The following DMD variants were observed in gnomAD, a reference collection of about 807,000 sequenced individuals.
DMD encodes the protein dystrophin, also known as mutant dystrophin.
A neutral mutation model predicts 330.1 loss-of-function variants in DMD; 63 were observed. The observed-to-expected ratio is 0.19, with a 90% CI of 0.16 to 0.24. The LOEUF (loss-of-function observed/expected upper bound fraction) is 0.24, where lower values mean the gene tolerates loss of function less well. DMD is among the 10% of genes least tolerant of loss of function. The pLI is 1.00. For synonymous variants in DMD, 1,223 were observed against 959.8 expected (o/e 1.27, Z -5.07); for missense variants, 3,344 against 2,684.1 (o/e 1.25, Z -5.43).
At chrX:33,316,288 T>C (rs749229828) in intron 1 of DMD, among the ~76,000 whole-genome samples, 3 of 110,788 alleles carry the variant, frequency 2.7e-5, no homozygotes, top group African/African-American at 9.8e-5. Context: ...GGGATAAAGA[T>C]TATTAATGTA....
chrX:32,935,782 T>C (rs2089977861), intron 2 of DMD, among the ~76,000 whole-genome samples: 1 of 111,244 alleles, frequency 9.0e-6, no homozygotes, highest in African/African-American at 3.3e-5. Context: ...GTAATACTAA[T>C]GTTATGCCTT....
intron 51 of DMD, among the ~76,000 whole-genome samples, chrX:31,737,862 G>C (rs1341242446): frequency 9.0e-6 from 1 of 111,705 alleles, no homozygotes; most frequent in African/African-American, 3.3e-5. Flanking sequence ...AGCATTATAA[G>C]GGAAAGACAG....
intron 43 of DMD, among the ~76,000 whole-genome samples, chrX:32,235,643 G>A (rs930388967): frequency 8.9e-6 from 1 of 111,741 alleles, no homozygotes; most frequent in Non-Finnish European, 1.9e-5. Context: ...AAAAGGGGGT[G>A]TATCTTGTTT....
At chrX:32,439,176 T>A (rs977997144) in intron 28 of DMD, among the ~76,000 whole-genome samples, 22 of 111,761 alleles carry the variant, frequency 2.0e-4, no homozygotes, top group African/African-American at 7.1e-4. Flanking sequence ...GATGGGCATA[T>A]GTTCTCACAA....
At chrX:32,715,110 C>T (rs2065563184) in intron 7 of DMD, among the ~76,000 whole-genome samples, 1 of 111,236 alleles carries the variant, frequency 9.0e-6, no homozygotes, top group African/African-American at 3.3e-5. Flanking sequence ...TTCCTCCTTC[C>T]ACCCCCAACC....
chrX:31,652,942 G>T (rs151013197), intron 54 of DMD, among the ~76,000 whole-genome samples: 1 of 111,224 alleles, frequency 9.0e-6, no homozygotes, highest in South Asian at 3.8e-4. Flanking sequence ...TTAGGATGAG[G>T]GAGACTTGAG....
At chrX:33,078,789 C>T (rs944941573) in intron 1 of DMD, among the ~76,000 whole-genome samples, 1 of 111,939 alleles carries the variant, frequency 8.9e-6, no homozygotes, top group Non-Finnish European at 1.9e-5. Context: ...TTCCGTGGCA[C>T]ACAACAATTT....
intron 1 of DMD, among the ~76,000 whole-genome samples, chrX:33,033,554 C>CAAAAAAAAA (rs775790760): frequency 2.8e-4 from 21 of 74,499 alleles, no homozygotes; most frequent in Admixed American, 1.5e-3. Context: ...ACTAAAAATA[C>CAAAAAAAAA]AAAAAAAAAA....
At chrX:32,567,703 A>G (rs2051899634) in intron 15 of DMD, among the ~76,000 whole-genome samples, 1 of 112,165 alleles carries the variant, frequency 8.9e-6, no homozygotes, top group Non-Finnish European at 1.9e-5. Flanking sequence ...AGCCCAATAG[A>G]TAGGTTTTGC....
intron 1 of DMD, among the ~76,000 whole-genome samples, chrX:33,336,782 A>C (rs1340891754): frequency 9.0e-6 from 1 of 111,447 alleles, no homozygotes; most frequent in Non-Finnish European, 1.9e-5. Context: ...TCCTTAAAGC[A>C]CTTCAGAAGA....
intron 19 of DMD, among the ~76,000 whole-genome samples, chrX:32,500,561 A>T (rs1359062704): frequency 8.9e-6 from 1 of 111,923 alleles, no homozygotes; most frequent in Non-Finnish European, 1.9e-5. Flanking sequence ...GTGATAATAC[A>T]GTTTCTAGGG....
In DMD at chrX:32,390,035, G is replaced by A. The variant is rs774536398; in HGVS notation, c.4344+36C>T. ...TATAGACTGGAGTATAATGCCCAACGAAAACACGTTCCTTAGTTTCTGAAA... is the reference window on the plus strand; with the variant it reads ...TATAGACTGGAGTATAATGCCCAACAAAAACACGTTCCTTAGTTTCTGAAA... On this transcript the variant is annotated intron_variant, in intron 31 of 78. Transcript: ENST00000357033. 9.0e-6 allele frequency: 10 copies of A among 1,110,543 alleles called. No individual in the cohort carries two copies. In the African/African-American group the frequency reaches 9.0e-5, roughly 10 times the overall value. The allele number at this position is 1,110,543 out of a possible 1,213,427, so 91.5% of individuals were successfully genotyped here.
At chrX:32,679,039 T>C (rs2062171606) in intron 9 of DMD, among the ~76,000 whole-genome samples, 1 of 111,674 alleles carries the variant, frequency 9.0e-6, no homozygotes, top group Admixed American at 9.5e-5. Flanking sequence ...TCAAAGTCAC[T>C]GGAAAAAAAT....
In DMD at chrX:31,705,600, T is replaced by C. The variant is rs113014704; in HGVS notation, c.7660+24031A>G. On this transcript the variant is annotated intron_variant, in intron 52 of 78. Coordinates refer to ENST00000357033, the MANE Select transcript of DMD (RefSeq NM_004006.3). The stretch of plus-strand genomic sequence containing the variant: ...CTTAAAGCTGCTTTGTTGGGAAATA[T>C]TACTTGCTTGGCTTTTCTAGCTTGA... Among the ~76,000 whole-genome samples the C allele has an allele frequency of 4.6e-3, 517 of 112,843 alleles. 2 individuals carry two copies. The highest frequency in any genetic ancestry group is 0.015 in the African/African-American group (479 of 31,113).
At chrX:32,204,986 C>A (rs1882489116) in intron 44 of DMD, among the ~76,000 whole-genome samples, 1 of 46,640 alleles carries the variant, frequency 2.1e-5, no homozygotes, top group East Asian at 5.5e-4. Flanking sequence ...ATCTCTCTCT[C>A]TCTCTCTCTC....
At chrX:31,394,139 CA>C (rs2060809443) in intron 60 of DMD, among the ~76,000 whole-genome samples, 1 of 112,198 alleles carries the variant, frequency 8.9e-6, no homozygotes, top group Non-Finnish European at 1.9e-5. Flanking sequence ...ACATGATATC[CA>C]TCTCAAAAAT....
At chrX:32,113,955 GTT>G (rs67233676) in intron 44 of DMD, among the ~76,000 whole-genome samples, 2 of 109,265 alleles carry the variant, frequency 1.8e-5, no homozygotes, top group Non-Finnish European at 3.8e-5. Flanking sequence ...ATATTTTCTT[GTT>G]TTTTTTCTGA....
intron 2 of DMD, among the ~76,000 whole-genome samples, chrX:32,899,257 C>CA (rs1361076133): frequency 3.6e-5 from 4 of 112,179 alleles, no homozygotes. Context: ...CATTCCCTTT[C>CA]AGGTCCTTGC....
At chrX:31,655,422 G>T (rs1054369052) in intron 54 of DMD, among the ~76,000 whole-genome samples, 1 of 111,134 alleles carries the variant, frequency 9.0e-6, no homozygotes, top group African/African-American at 3.3e-5. Flanking sequence ...ATATTAGATT[G>T]CACTTTTGAG....
Sources: allele counts gnomAD v4.1 joint callset (sites outside exome capture counted in the v4.1 genomes callset), GRCh38; gene constraint gnomAD v4.1.1; transcripts MANE v1.5; gene names NCBI Gene and HGNC (gene_info 2026-07-23, HGNC 2026-07-21).